CTDSP1: variants seen among roughly 807,000 people sequenced by gnomAD.
CTDSP1 encodes CTD small phosphatase 1, also known as carboxy-terminal domain RNA polymerase II polypeptide A small phosphatase 1.
Under a neutral mutation model 32.5 loss-of-function variants are expected in CTDSP1, and 15 were observed. The observed-to-expected ratio is 0.46, with a 90% CI of 0.31 to 0.71. The LOEUF (loss-of-function observed/expected upper bound fraction) is 0.71. Among genes scored for constraint, CTDSP1 ranks in the 30% least tolerant of loss-of-function variants. The pLI, the probability that CTDSP1 is intolerant of heterozygous loss-of-function variation, is 0.05. For synonymous variants in CTDSP1, 185 were observed against 145.4 expected (o/e 1.27, Z -1.96); for missense variants, 294 against 351.1 (o/e 0.84, Z 1.30).
At chr2:218,401,087 C>G (rs542502058) in intron 1 of CTDSP1, 2 of 381,182 alleles carry the variant, frequency 5.2e-6, no homozygotes, top group Admixed American at 2.9e-5. Context: ...GGCCGCGGGA[C>G]TGCACCCCTG....
rs776684507 is a variant in CTDSP1 at position 218,405,871 on chromosome 2, C to G, written c.*1446C>G. On this transcript the variant is annotated 3_prime_UTR_variant, in exon 7 of 7. Transcript: ENST00000273062. The stretch of plus-strand genomic sequence containing the variant: ...TGGTTGGCCTGCATCAGGTGGCCTT[C>G]CCATTTAAGTGCCTTCTCTGTGACT... 1.3e-5 allele frequency: 2 copies of G among 152,994 alleles called. No individual in the cohort carries two copies. Among genetic ancestry groups the G allele is most frequent in the Non-Finnish European group, 2.9e-5 (2 of 68,208 alleles). 9.5% of individuals were successfully genotyped at this position (152,994 alleles called of 1,614,324 possible).
chr2:218,397,285 G>T (rs1559130749), upstream of CTDSP1, among the ~76,000 whole-genome samples: 1 of 152,196 alleles, frequency 6.6e-6, no homozygotes, highest in Admixed American at 6.5e-5. Flanking sequence ...TCTACTTAGA[G>T]CTGCCCCCAT....
intron 6 of CTDSP1, among the ~76,000 whole-genome samples, 166 bp from the exon 7 acceptor site, chr2:218,404,131 G>T (rs1397778843): frequency 2.0e-5 from 3 of 152,212 alleles, no homozygotes; most frequent in Admixed American, 2.0e-4. Context: ...GCATTGTTAC[G>T]TTATAAATGT....
intron 1 of CTDSP1, chr2:218,400,460 C>T (rs962863756): frequency 8.3e-6 from 4 of 484,462 alleles, no homozygotes; most frequent in African/African-American, 7.9e-5. Flanking sequence ...GGGCGCCCCC[C>T]CACCATTGGC....
chr2:218,397,942 G>A (rs1044734111), upstream of CTDSP1, among the ~76,000 whole-genome samples: 1 of 152,238 alleles, frequency 6.6e-6, no homozygotes, highest in African/African-American at 2.4e-5. Flanking sequence ...GTGGCGATAA[G>A]ATGGGGTGGA....
upstream of CTDSP1, chr2:218,399,805 G>A (rs2106353313): frequency 8.8e-7 from 1 of 1,137,036 alleles, no homozygotes; most frequent in Non-Finnish European, 1.1e-6. Context: ...CCGAGTCCAG[G>A]TCACGCCGAA....
chr2:218,402,445 C>T (rs550380352), intron 4 of CTDSP1, 40 bp downstream of exon 4: 50 of 1,579,416 alleles, frequency 3.2e-5, no homozygotes, highest in Non-Finnish European at 4.1e-5. Flanking sequence ...TTGGCATCTG[C>T]CTCCAGACCC....
At chr2:218,397,749 G>A (rs1696891871), upstream of CTDSP1, among the ~76,000 whole-genome samples, 1 of 152,106 alleles carries the variant, frequency 6.6e-6, no homozygotes, top group South Asian at 2.1e-4. Flanking sequence ...GACACTCGAA[G>A]GACCCCCCTC....
chr2:218,399,791 G>A (rs897952069), upstream of CTDSP1: 995 of 1,097,442 alleles, frequency 9.1e-4, 1 homozygote, highest in Non-Finnish European at 1.0e-3. Context: ...GGCGAAAGCC[G>A]CAGCCGAGTC....
rs777751173 is a variant in CTDSP1 at position 218,400,075 on chromosome 2, G to A, written c.-16G>A. 3 of 1,438,656 alleles carry A rather than the reference G, an allele frequency of 2.1e-6. No individual in the cohort carries two copies. Among genetic ancestry groups the A allele is most frequent in the Middle Eastern group, 2.2e-4 (1 of 4,470 alleles). The allele number at this position is 1,438,656 out of a possible 1,614,324, so 89.1% of individuals were successfully genotyped here. ...CCCGGGCCAGAGTCCGGCCGGAGCG[G>A]AGCGCGCCCGGCCCCATGGACAGCT... On this transcript the variant is annotated 5_prime_UTR_variant, in exon 1 of 7. Transcript: ENST00000273062.
At chr2:218,398,350 G>A (rs1170001167), upstream of CTDSP1, 17 of 1,436,764 alleles carry the variant, frequency 1.2e-5, no homozygotes, top group Admixed American at 2.8e-4. Context: ...AGATTAGGGG[G>A]CGCAGCCAGA....
chr2:218,401,950 C>G (rs920574526), intron 2 of CTDSP1, among the ~76,000 whole-genome samples, 161 bp from the exon 3 acceptor site: 1 of 152,182 alleles, frequency 6.6e-6, no homozygotes, highest in African/African-American at 2.4e-5. Context: ...GCCAAGAGGC[C>G]TACCCAAGCC....
chr2:218,401,430 G>T, intron 1 of CTDSP1, 134 bp from the exon 2 acceptor site: 8 of 987,812 alleles, frequency 8.1e-6, no homozygotes, highest in African/African-American at 1.6e-5. Flanking sequence ...AGAAAGTCAG[G>T]AGCTGCCTTC....
chr2:218,398,588 C>T (rs1489919176), upstream of CTDSP1: 1 of 694,530 alleles, frequency 1.4e-6, no homozygotes, highest in African/African-American at 1.9e-5. Flanking sequence ...CCGGCCCCCG[C>T]GCGGGGCCTC....
upstream of CTDSP1, among the ~76,000 whole-genome samples, chr2:218,397,365 T>C (rs962543678): frequency 1.3e-5 from 2 of 151,976 alleles, no homozygotes; most frequent in African/African-American, 4.8e-5. Context: ...GGGTGCAGAG[T>C]TGCTCTTCTG....
upstream of CTDSP1, among the ~76,000 whole-genome samples, chr2:218,397,864 C>G (rs1457897783): frequency 6.6e-6 from 1 of 152,158 alleles, no homozygotes; most frequent in African/African-American, 2.4e-5. Flanking sequence ...CTACCTCTGC[C>G]GCTTTGGGAG....
At chr2:218,397,692 C>T (rs1696889379), upstream of CTDSP1, among the ~76,000 whole-genome samples, 2 of 152,210 alleles carry the variant, frequency 1.3e-5, no homozygotes, top group South Asian at 4.1e-4. Context: ...GCGACCTCCA[C>T]CTGTAGAGAC....
intron 2 of CTDSP1, 103 bp downstream of exon 2, chr2:218,401,815 C>T: frequency 1.7e-6 from 2 of 1,172,732 alleles, no homozygotes; most frequent in Non-Finnish European, 2.3e-6. Flanking sequence ...ACTTGCAGAC[C>T]TGAAAGGTGC....
rs746202441 is a variant in CTDSP1, at chr2:218,403,441, T to TGGGACA, written c.657+27_657+32dup. 20 of 1,557,484 alleles carry TGGGACA rather than the reference T, an allele frequency of 1.3e-5. 1 individual carries two copies. The South Asian group carries it at 2.0e-4, about 16-fold the overall frequency. ...CTGTGAGTGCGGGCTGGACTGGGAC[T>TGGGACA]GGGACAGGAGCTGAGACCCAGGAAG... On this transcript the variant is annotated intron_variant, in intron 6 of 6. Coordinates refer to ENST00000273062, the MANE Select transcript of CTDSP1 (RefSeq NM_021198.3).
Sources: allele counts gnomAD v4.1 joint callset (sites outside exome capture counted in the v4.1 genomes callset), GRCh38; gene constraint gnomAD v4.1.1; transcripts MANE v1.5; gene names NCBI Gene and HGNC (gene_info 2026-07-23, HGNC 2026-07-21).